The following PHF14 variants were observed in gnomAD, a reference collection of about 807,000 sequenced individuals.
PHF14 encodes PHD finger protein 14.
PHF14 carries 55 observed loss-of-function variants against 117.9 expected under a neutral mutation model. The observed-to-expected ratio is 0.47, with a 90% CI of 0.38 to 0.58. PHF14 has a LOEUF of 0.58. PHF14 is among the 20% of genes least tolerant of loss of function. PHF14 has a pLI of 0.00. For missense variants in PHF14, 978 were observed against 1,122.2 expected, an observed-to-expected ratio of 0.87 and a Z score of 1.84; for synonymous variants, 409 against 368.6, an observed-to-expected ratio of 1.11 and a Z score of -1.26.
chr7:10,995,935 A>T (rs1329934617), intron 4 of PHF14, among the ~76,000 whole-genome samples: 1 of 152,158 alleles, frequency 6.6e-6, no homozygotes, highest in Non-Finnish European at 1.5e-5. Flanking sequence ...AAGCTGAGGG[A>T]GCTGGCTCCA....
chr7:11,044,965 G>A (rs1047275868), intron 13 of PHF14, among the ~76,000 whole-genome samples: 1 of 152,112 alleles, frequency 6.6e-6, no homozygotes, highest in Non-Finnish European at 1.5e-5. Flanking sequence ...TGTAATGTCA[G>A]TGCTCAAAAA....
At chr7:11,025,463 A>G (rs901676868) in intron 6 of PHF14, among the ~76,000 whole-genome samples, 2 of 152,198 alleles carry the variant, frequency 1.3e-5, no homozygotes, top group African/African-American at 4.8e-5. Context: ...CATAAAAGGA[A>G]GGATGAATCT....
Position 10,987,186 on chromosome 7 carries a change from G to A in PHF14, c.901-3517G>A, listed in dbSNP as rs149661118. Among the ~76,000 whole-genome samples the A allele has an allele frequency of 1.3e-4, 20 of 152,180 alleles. 1 individual carries two copies. Among genetic ancestry groups the A allele is most frequent in the African/African-American group, 4.8e-4 (20 of 41,530 alleles). ...AAATTGCTCTGAGTCCTAAAAAAAG[G>A]TTAGTTCTGTAACATTTATAAATAT... On this transcript the variant is annotated intron_variant, in intron 3 of 17. Coordinates refer to ENST00000634607, the MANE Select transcript of PHF14 (RefSeq NM_001007157.2).
intron 14 of PHF14, among the ~76,000 whole-genome samples, chr7:11,057,991 C>T (rs1246067202): frequency 1.3e-5 from 2 of 152,190 alleles, no homozygotes; most frequent in African/African-American, 4.8e-5. Context: ...TTTGGAATTG[C>T]ACCCTTGCTT....
At chr7:11,003,319 C>G (rs564821961) in intron 4 of PHF14, among the ~76,000 whole-genome samples, 1 of 152,326 alleles carries the variant, frequency 6.6e-6, no homozygotes, top group South Asian at 2.1e-4. Flanking sequence ...AATGACTTGT[C>G]TTTTTCTCCA....
At chr7:11,083,904 G>A (rs1321217241) in intron 16 of PHF14, among the ~76,000 whole-genome samples, 2 of 152,212 alleles carry the variant, frequency 1.3e-5, no homozygotes, top group African/African-American at 4.8e-5. Context: ...AATAAATAAT[G>A]GAGGAAAGCA....
intron 5 of PHF14, among the ~76,000 whole-genome samples, chr7:11,020,727 T>TAG (rs1783706035): frequency 6.6e-6 from 1 of 152,168 alleles, no homozygotes; most frequent in African/African-American, 2.4e-5. Flanking sequence ...TAAGTCTTAG[T>TAG]TCTGTCCCTT....
intron 17 of PHF14, among the ~76,000 whole-genome samples, chr7:11,122,352 T>TATATATACACACACAC: frequency 4.6e-5 from 3 of 65,876 alleles, no homozygotes; most frequent in South Asian, 5.1e-4. Context: ...TATATATATA[T>TATATATACACACACAC]ACACACACAC....
chr7:11,025,814 AAG>A (rs752974944), intron 6 of PHF14, among the ~76,000 whole-genome samples: 8 of 151,490 alleles, frequency 5.3e-5, no homozygotes, highest in Middle Eastern at 3.4e-3. Context: ...GAAAAAGAAA[AAG>A]AAAGAAATTG....
At chr7:11,075,578 T>G (rs924275576) in intron 16 of PHF14, among the ~76,000 whole-genome samples, 13 of 148,400 alleles carry the variant, frequency 8.8e-5, no homozygotes, top group Non-Finnish European at 1.2e-4. Context: ...TTTTTTTTTT[T>G]TTTTTTTTTT....
chr7:10,999,655 A>C (rs1308109893), intron 4 of PHF14, among the ~76,000 whole-genome samples: 1 of 152,224 alleles, frequency 6.6e-6, no homozygotes, highest in Non-Finnish European at 1.5e-5. Context: ...ACATGCTTAC[A>C]GCTATTGAAA....
At chr7:11,137,219 C>G (rs1788246881) in intron 17 of PHF14, among the ~76,000 whole-genome samples, 1 of 152,174 alleles carries the variant, frequency 6.6e-6, no homozygotes, top group South Asian at 2.1e-4. Flanking sequence ...TGCCACAGAA[C>G]ATGACAAATG....
Position 11,058,635 on chromosome 7 carries a change from A to G in PHF14, c.2482-3156A>G, listed in dbSNP as rs192348443. 4.8e-3 allele frequency among the ~76,000 whole-genome samples: 736 copies of G among 152,322 alleles called. 9 individuals are homozygous for G. Among genetic ancestry groups the G allele is most frequent in the Middle Eastern group, 0.01 (3 of 294 alleles). ...AGTTTTAATTTACTCTTTATTGGGTATAATTCTCTAACTTCATTTGAAATG... is the reference window on the plus strand; with the variant it reads ...AGTTTTAATTTACTCTTTATTGGGTGTAATTCTCTAACTTCATTTGAAATG... On this transcript the variant is annotated intron_variant, in intron 14 of 17. Coordinates refer to ENST00000634607, the MANE Select transcript of PHF14 (RefSeq NM_001007157.2).
Position 10,982,524 on chromosome 7 carries a change from G to A in PHF14, c.265G>A (p.Val89Ile). The change falls in exon 3 of 18, where the codon GTA (valine) becomes ATA (isoleucine). Residue 89 changes from valine (V) to isoleucine (I), a missense_variant. Physicochemically the swap from Val to Ile is conservative, Grantham distance 29. Around this residue, in one of 7 missense-constraint regions of PHF14, gnomAD observed 414 missense variants for 376.4 expected, o/e 1.10. Transcript: ENST00000634607. ...EQLKNSAEEEVLSSEKQLIKM... is the reference protein window; with the variant it reads ...EQLKNSAEEEILSSEKQLIKM... Reference sequence around the variant, plus strand: ...ACTTAAAAATTCTGCAGAGGAAGAAGTACTATCATCAGAAAAACAATTAAT... The same window carrying A: ...ACTTAAAAATTCTGCAGAGGAAGAAATACTATCATCAGAAAAACAATTAAT... The A allele has an allele frequency of 6.5e-7, 1 of 1,534,456 alleles. No individual in the cohort carries two copies. Among genetic ancestry groups the A allele is most frequent in the Non-Finnish European group, 8.9e-7 (1 of 1,125,012 alleles).
chr7:11,107,487 T>C (rs1787310031), intron 16 of PHF14: 2 of 860,058 alleles, frequency 2.3e-6, no homozygotes, highest in South Asian at 1.1e-4. Context: ...AGGTTTGCTT[T>C]TATCTTATAA....
At chr7:10,989,322 G>A (rs1001734444) in intron 3 of PHF14, among the ~76,000 whole-genome samples, 8 of 151,926 alleles carry the variant, frequency 5.3e-5, no homozygotes, top group African/African-American at 1.7e-4. Flanking sequence ...TTGGATATTG[G>A]TTGAGTTTAA....
chr7:10,981,404 T>C (rs989651663), intron 2 of PHF14, among the ~76,000 whole-genome samples: 3 of 152,222 alleles, frequency 2.0e-5, no homozygotes, highest in Admixed American at 6.5e-5. Context: ...TAGATTGTTA[T>C]TTACTTAATT....
rs1419860728 is a variant in PHF14, at chr7:10,983,140, C to T, written c.881C>T (p.Ser294Phe). ...EELTNDSLTL[S>F]QSKSNEDSLI... ...CTGACCAATGATAGCCTGACCCTAT[C>T]TCAAAGCAAGAGTAATGAGGTAGAT... The change falls in exon 3 of 18, where the codon TCT (serine) becomes TTT (phenylalanine). Residue 294 changes from serine to phenylalanine, a missense_variant. Ser to Phe is a radical substitution (Grantham distance 155, BLOSUM62 -2). Coordinates refer to ENST00000634607, the MANE Select transcript of PHF14 (RefSeq NM_001007157.2). The T allele has an allele frequency of 6.3e-7, 1 of 1,596,388 alleles. No homozygotes were observed. Among genetic ancestry groups the T allele is most frequent in the Admixed American group, 1.7e-5 (1 of 59,698 alleles).
In PHF14 at chr7:11,111,428, C is replaced by CG; in HGVS notation, c.2735dup (p.Trp913MetfsTer7). ...AAAAGTCTCCTAAACAGACAGGCTA[C>CG]GGATGGATATGTCAGGAATGTGATT... On this transcript the variant is annotated frameshift_variant, in exon 17 of 18. Coordinates refer to ENST00000634607, the MANE Select transcript of PHF14 (RefSeq NM_001007157.2). LOFTEE classifies it high-confidence loss of function. 6.2e-7 allele frequency: 1 copy of CG among 1,603,650 alleles called. No homozygotes were observed. Among genetic ancestry groups the CG allele is most frequent in the Non-Finnish European group, 8.5e-7 (1 of 1,172,484 alleles).
Sources: gnomAD v4.1 joint callset for allele counts (sites outside exome capture counted in the v4.1 genomes callset) on GRCh38, gnomAD v4.1.1 for gene constraint, gnomAD v4.1.1 regional missense constraint, MANE v1.5 for transcripts, NCBI Gene and HGNC (gene_info 2026-07-23, HGNC 2026-07-21) for gene names.